PUF60: variants seen among roughly 807,000 people sequenced by gnomAD.
PUF60 encodes the protein poly(U) binding splicing factor 60, also known as poly(U)-binding-splicing factor PUF60.
PUF60 carries 10 observed loss-of-function variants against 61.8 expected under a neutral mutation model. That is an observed-to-expected ratio of 0.16 (90% confidence interval 0.10 to 0.27). PUF60 has a LOEUF of 0.27. Among genes scored for constraint, PUF60 ranks in the 10% least tolerant of loss-of-function variants. PUF60 has a pLI of 1.00. For synonymous variants in PUF60, 353 were observed against 300.9 expected, an observed-to-expected ratio of 1.17 and a Z score of -1.79; for missense variants, 371 against 754.0, an observed-to-expected ratio of 0.49 and a Z score of 5.95.
intron 2 of PUF60, 115 bp downstream of exon 2, chr8:143,824,198 G>A (rs1817356323): frequency 8.3e-6 from 9 of 1,081,604 alleles, no homozygotes; most frequent in Non-Finnish European, 1.1e-5. Context: ...GGTTCCCGAG[G>A]TTCCTCCCGC....
chr8:143,825,464 G>A (rs944334148), intron 1 of PUF60, among the ~76,000 whole-genome samples: 79 of 152,108 alleles, frequency 5.2e-4, no homozygotes, highest in African/African-American at 1.8e-3. Context: ...ACTGCACCCC[G>A]GAGAGAGTGA....
intron 2 of PUF60, chr8:143,822,519 C>T (rs762280797): frequency 8.5e-5 from 39 of 456,534 alleles, no homozygotes; most frequent in Admixed American, 8.0e-4. Context: ...TCGGGCCACA[C>T]AAGCCCTGAA....
chr8:143,829,262 A>G lies in PUF60; in HGVS notation c.24+18T>C, dbSNP rs1818025479. ...CGCAAGCCGAGGGCCGCCCGCGCTC[A>G]TGGGGGGGCTCACTTACGAGAGCTA... is the stretch of plus-strand genomic sequence containing the variant. On this transcript the variant is annotated intron_variant, in intron 1 of 11. Coordinates refer to ENST00000526683, the MANE Select transcript of PUF60 (RefSeq NM_078480.3). 4 of 1,253,924 alleles carry G rather than the reference A, an allele frequency of 3.2e-6. No homozygotes were observed. Among genetic ancestry groups the G allele is most frequent in the African/African-American group, 1.5e-5 (1 of 64,630 alleles). 77.7% of individuals were successfully genotyped at this position (1,253,924 alleles called of 1,614,324 possible).
At chr8:143,826,375 G>A (rs1817636567) in intron 1 of PUF60, among the ~76,000 whole-genome samples, 1 of 152,072 alleles carries the variant, frequency 6.6e-6, no homozygotes, top group African/African-American at 2.4e-5. Flanking sequence ...AGACCAGCCT[G>A]GACAACACAG....
chr8:143,829,283 A>G lies in PUF60; in HGVS notation c.21T>C (p.Ala7=). The G allele has an allele frequency of 1.6e-6, 2 of 1,266,780 alleles. No individual in the cohort carries two copies. Among genetic ancestry groups the G allele is most frequent in the Non-Finnish European group, 2.0e-6 (2 of 999,442 alleles). 78.5% of individuals were successfully genotyped at this position (1,266,780 alleles called of 1,614,324 possible). Residue 7 remains alanine, a synonymous_variant, in exon 1 of 12, where the codon GCT becomes GCC. Coordinates refer to ENST00000526683, the MANE Select transcript of PUF60 (RefSeq NM_078480.3). ...GCTCATGGGGGGGCTCACTTACGAGAGCTATGGTCGCCGTCGCCATCTTGC... is the reference window on the plus strand; with the variant it reads ...GCTCATGGGGGGGCTCACTTACGAGGGCTATGGTCGCCGTCGCCATCTTGC... MATATI[A]LQVNGQQGGG...
intron 5 of PUF60, chr8:143,820,388 T>G: frequency 1.9e-6 from 1 of 537,570 alleles, no homozygotes; most frequent in Non-Finnish European, 3.3e-6. Flanking sequence ...ACGGGCCTGG[T>G]GCTGGCAGCT....
chr8:143,821,465 A>T, intron 4 of PUF60, 132 bp downstream of exon 4: 1 of 854,934 alleles, frequency 1.2e-6, no homozygotes, highest in Non-Finnish European at 1.8e-6. Flanking sequence ...GGTCCCGAGC[A>T]TGAGTCTTTG....
Position 143,821,843 on chromosome 8 carries a change from G to C in PUF60, c.182C>G (p.Pro61Arg). Residue 61 changes from proline (P) to arginine (R), a missense_variant, in exon 3 of 12, where the codon CCC becomes CGC. By Grantham distance (103) the Pro-to-Arg change is moderately radical. Transcript: ENST00000526683. ...AAKLGLPPLT[P>R]EQQEALQKAK... ...CTTCTGAAGGGCCTCCTGCTGCTCGGGCGTCAGGGGAGGCAGCCCCAGCTT... is the reference window on the plus strand; with the variant it reads ...CTTCTGAAGGGCCTCCTGCTGCTCGCGCGTCAGGGGAGGCAGCCCCAGCTT... 2.5e-6 allele frequency: 4 copies of C among 1,611,016 alleles called. No homozygotes were observed. Among genetic ancestry groups the C allele is most frequent in the Non-Finnish European group, 3.4e-6 (4 of 1,179,450 alleles).
intron 1 of PUF60, among the ~76,000 whole-genome samples, chr8:143,828,595 G>A (rs1176030080): frequency 1.3e-5 from 2 of 152,180 alleles, no homozygotes; most frequent in Non-Finnish European, 2.9e-5. Flanking sequence ...ATGGCACCCT[G>A]GGTGGGAACT....
chr8:143,822,957 G>A (rs2130356662), intron 2 of PUF60: 1 of 198,694 alleles, frequency 5.0e-6, no homozygotes, highest in African/African-American at 2.3e-5. Context: ...CAAGGACAGA[G>A]GGACACAGGA....
intron 1 of PUF60, among the ~76,000 whole-genome samples, chr8:143,825,365 G>A (rs1817524990): frequency 6.6e-6 from 1 of 152,186 alleles, no homozygotes; most frequent in Non-Finnish European, 1.5e-5. Context: ...CACTGGGGAA[G>A]GCCAACCCAG....
intron 1 of PUF60, 61 bp from the exon 2 acceptor site, chr8:143,824,460 C>A: frequency 6.4e-7 from 1 of 1,550,760 alleles, no homozygotes; most frequent in South Asian, 1.1e-5. Context: ...CAGGCCTGCT[C>A]TCCTCCCGAG....
chr8:143,827,103 G>A, intron 1 of PUF60: 1 of 321,466 alleles, frequency 3.1e-6, no homozygotes, highest in Non-Finnish European at 6.0e-6. Context: ...TCTCTCTCAG[G>A]AGCCTGGTGT....
At position 143,818,797 on chromosome 8, in the gene PUF60, G is replaced by A. The variant is rs1022440558; in HGVS notation, c.349-263C>T. ...CCAGGCAGACTGCGGCAGCAAAGCCGACAGATGGTCAGGAGGCAGGGCTGT... is the reference window on the plus strand; with the variant it reads ...CCAGGCAGACTGCGGCAGCAAAGCCAACAGATGGTCAGGAGGCAGGGCTGT... On this transcript the variant is annotated intron_variant, in intron 5 of 11. Coordinates refer to ENST00000526683, the MANE Select transcript of PUF60 (RefSeq NM_078480.3). This position sits in a 1 kb window ranked among gnomAD's most constrained non-coding sequence, Gnocchi z 7.9. 1.7e-5 allele frequency: 9 copies of A among 534,730 alleles called. No individual in the cohort carries two copies. Among genetic ancestry groups the A allele is most frequent in the East Asian group, 6.1e-5 (2 of 32,974 alleles). The allele number at this position is 534,730 out of a possible 1,614,324, so 33.1% of individuals were successfully genotyped here.
intron 5 of PUF60, among the ~76,000 whole-genome samples, chr8:143,819,550 G>A (rs1299595502): frequency 2.0e-5 from 3 of 152,138 alleles, no homozygotes; most frequent in East Asian, 3.9e-4. Flanking sequence ...AATGCAGGCC[G>A]AACCTCCCCA....
Position 143,829,009 on chromosome 8 carries a change from CAGGCTCGCCCGCA to C in PUF60, c.24+258_24+270del, listed in dbSNP as rs1255903473. The C allele has an allele frequency of 2.0e-5, 20 of 995,772 alleles. No homozygotes were observed. In the East Asian group the frequency reaches 9.9e-4, roughly 49 times the overall value. 61.7% of individuals were successfully genotyped at this position (995,772 alleles called of 1,614,324 possible). A position where few individuals can be genotyped will look rare whatever the true frequency, so the allele number is the denominator to read the frequency against. Reference sequence around the variant, plus strand: ...CTAGCGGACAGGAACGCAACCCCGCCAGGCTCGCCCGCAAGGGCCACACGCCGCGCCCAGGCCC... The same window carrying C: ...CTAGCGGACAGGAACGCAACCCCGCCAGGGCCACACGCCGCGCCCAGGCCC... On this transcript the variant is annotated intron_variant, in intron 1 of 11. Coordinates refer to ENST00000526683, the MANE Select transcript of PUF60 (RefSeq NM_078480.3).
chr8:143,820,339 C>T (rs1019826262), intron 5 of PUF60: 29 of 401,104 alleles, frequency 7.2e-5, no homozygotes, highest in African/African-American at 4.0e-4. Flanking sequence ...GGCTGGAGGC[C>T]GTGGGCACAC....
intron 1 of PUF60, chr8:143,827,554 A>G (rs1365234691): frequency 2.3e-6 from 1 of 429,986 alleles, no homozygotes; most frequent in African/African-American, 2.0e-5. Flanking sequence ...AGCATGAGAC[A>G]GGGGACAGGC....
At chr8:143,819,317 A>G (rs1283006223) in intron 5 of PUF60, among the ~76,000 whole-genome samples, 3 of 151,974 alleles carry the variant, frequency 2.0e-5, no homozygotes, top group South Asian at 2.1e-4. Context: ...GAGCTTGGCT[A>G]TTGCGCTGAG....
Sources: gnomAD v4.1 joint callset for allele counts (sites outside exome capture counted in the v4.1 genomes callset) on GRCh38, gnomAD v4.1.1 for gene constraint, Gnocchi (gnomAD v3.1) non-coding constraint, MANE v1.5 for transcripts, NCBI Gene and HGNC (gene_info 2026-07-23, HGNC 2026-07-21) for gene names.